Variants in FGF12 observed in about 807,000 individuals in gnomAD.
FGF12 encodes the protein fibroblast growth factor 12B.
A neutral mutation model predicts 23.6 loss-of-function variants in FGF12; 14 were observed. That is an observed-to-expected ratio of 0.59 (90% CI 0.39 to 0.93). The LOEUF is 0.93. Among genes scored for constraint, FGF12 ranks in the 40% least tolerant of loss-of-function variants. The pLI is 0.00. For synonymous variants in FGF12, 62 were observed against 77.3 expected, an observed-to-expected ratio of 0.80 and a Z score of 1.04; for missense variants, 175 against 217.8, an observed-to-expected ratio of 0.80 and a Z score of 1.24.
chr3:192,551,561 A>G (rs1471060054), intron 2 of FGF12, among the ~76,000 whole-genome samples: 4 of 152,258 alleles, frequency 2.6e-5, no homozygotes, highest in Non-Finnish European at 5.9e-5. Flanking sequence ...AGAAAGCTTC[A>G]CTGAGCAACA....
intron 2 of FGF12, among the ~76,000 whole-genome samples, chr3:192,535,302 T>A (rs951155128): frequency 6.6e-6 from 1 of 152,216 alleles, no homozygotes; most frequent in Non-Finnish European, 1.5e-5. Context: ...CTTTCATCCA[T>A]ATATCCATAG....
intron 5 of FGF12, among the ~76,000 whole-genome samples, chr3:192,145,254 A>T (rs1456193228): frequency 2.0e-5 from 3 of 152,248 alleles, no homozygotes; most frequent in Non-Finnish European, 4.4e-5. Flanking sequence ...ATGAAAATTA[A>T]GGAGCTGATT....
chr3:192,653,108 G>A (rs764626709), intron 2 of FGF12, among the ~76,000 whole-genome samples: 2 of 152,110 alleles, frequency 1.3e-5, no homozygotes, highest in Non-Finnish European at 2.9e-5. Flanking sequence ...ATGCTCTTTA[G>A]GGAACACCTA....
intron 2 of FGF12, among the ~76,000 whole-genome samples, chr3:192,516,176 G>A (rs980182919): frequency 1.6e-4 from 24 of 152,172 alleles, no homozygotes; most frequent in African/African-American, 5.8e-4. Flanking sequence ...TGCTAAAATA[G>A]TGTTTGCAAT....
chr3:192,676,594 C>G (rs938229321), intron 2 of FGF12, among the ~76,000 whole-genome samples: 7 of 152,122 alleles, frequency 4.6e-5, no homozygotes, highest in African/African-American at 1.7e-4. Context: ...AATTCCTCAC[C>G]TACAGTAACT....
intron 2 of FGF12, among the ~76,000 whole-genome samples, chr3:192,549,411 T>C (rs182736668): frequency 2.8e-4 from 42 of 152,186 alleles, no homozygotes; most frequent in Admixed American, 7.2e-4. Flanking sequence ...AAATGAAAAA[T>C]AGACATTTAT....
intron 4 of FGF12, among the ~76,000 whole-genome samples, chr3:192,290,062 C>T (rs1408195657): frequency 6.6e-6 from 1 of 151,986 alleles, no homozygotes; most frequent in Non-Finnish European, 1.5e-5. Context: ...GATGGAAAGA[C>T]AAAGTTGTTG....
chr3:192,630,284 C>T (rs561462348), intron 2 of FGF12, among the ~76,000 whole-genome samples: 1 of 152,244 alleles, frequency 6.6e-6, no homozygotes, highest in East Asian at 1.9e-4. Context: ...AACCATGAGC[C>T]AATTAAATCT....
intron 2 of FGF12, among the ~76,000 whole-genome samples, chr3:192,363,097 G>C (rs7633022): frequency 0.53 from 74,893 of 141,098 alleles, 21,506 homozygotes; most frequent in East Asian, 0.84. Flanking sequence ...TGTGGGGTAG[G>C]GGGAGGGGGG....
intron 5 of FGF12, among the ~76,000 whole-genome samples, chr3:192,147,375 C>T (rs1256607466): frequency 1.3e-5 from 2 of 152,096 alleles, no homozygotes; most frequent in Non-Finnish European, 2.9e-5. Flanking sequence ...AAAGTACCTC[C>T]CTTCAGTAAT....
At chr3:192,472,029 G>T (rs930041746) in intron 2 of FGF12, among the ~76,000 whole-genome samples, 1 of 152,100 alleles carries the variant, frequency 6.6e-6, no homozygotes, top group African/African-American at 2.4e-5. Flanking sequence ...GTTGTTGTTT[G>T]TGTTTTGAGA....
rs1481429386 is a variant in FGF12, at chr3:192,187,815, G to A, written c.229-17159C>T. ...AAAAAGAGAAAACTAAGAAAAGAAA[G>A]TGAAGGAAGGTGAAGAAAGGAAAGA... is the stretch of plus-strand genomic sequence containing the variant. On this transcript the variant is annotated intron_variant, in intron 4 of 5. Coordinates refer to ENST00000445105, the MANE Select transcript of FGF12 (RefSeq NM_004113.6). Among the ~76,000 whole-genome samples, 3 of 152,016 alleles carry A rather than the reference G, an allele frequency of 2.0e-5. No individual in the cohort carries two copies. In the East Asian group the frequency reaches 5.8e-4, roughly 29 times the overall value.
intron 2 of FGF12, among the ~76,000 whole-genome samples, chr3:192,480,996 G>C (rs1302293453): frequency 6.6e-6 from 1 of 152,132 alleles, no homozygotes; most frequent in Non-Finnish European, 1.5e-5. Context: ...CATGAAGGCA[G>C]GGAAAGGAGT....
chr3:192,537,636 G>C (rs534636150), intron 2 of FGF12, among the ~76,000 whole-genome samples: 23 of 152,164 alleles, frequency 1.5e-4, no homozygotes, highest in Admixed American at 8.5e-4. Flanking sequence ...TTTTTATTCA[G>C]ATTAATGGAT....
chr3:192,367,287 G>A (rs982898060), intron 2 of FGF12, among the ~76,000 whole-genome samples: 7 of 152,236 alleles, frequency 4.6e-5, no homozygotes, highest in South Asian at 2.1e-4. Context: ...GTAGTTTGAC[G>A]GGTTCTTTTA....
chr3:192,291,331 A>T (rs1212941716), intron 4 of FGF12, among the ~76,000 whole-genome samples: 1 of 152,156 alleles, frequency 6.6e-6, no homozygotes, highest in Non-Finnish European at 1.5e-5. Flanking sequence ...CTGTAATCCC[A>T]GCACTTTGGG....
chr3:192,608,311 T>C (rs538781832), intron 2 of FGF12, among the ~76,000 whole-genome samples: 18 of 152,296 alleles, frequency 1.2e-4, no homozygotes, highest in South Asian at 1.0e-3. Context: ...ATTGGAATGT[T>C]TGTGACACAA....
chr3:192,315,585 T>C (rs1447443328), intron 4 of FGF12, among the ~76,000 whole-genome samples: 1 of 152,036 alleles, frequency 6.6e-6, no homozygotes, highest in Admixed American at 6.5e-5. Flanking sequence ...AACCAGGTCA[T>C]CCTAGGGGGA....
intron 2 of FGF12, among the ~76,000 whole-genome samples, chr3:192,585,820 A>G (rs566587037): frequency 2.6e-5 from 4 of 152,278 alleles, no homozygotes; most frequent in South Asian, 2.1e-4. Context: ...ATTATGTCTA[A>G]GAGTTTAGCT....
Sources: gnomAD v4.1 joint callset for allele counts (sites outside exome capture counted in the v4.1 genomes callset) on GRCh38, gnomAD v4.1.1 for gene constraint, MANE v1.5 for transcripts, NCBI Gene and HGNC (gene_info 2026-07-23, HGNC 2026-07-21) for gene names.